Variants in KIF27 observed in about 807,000 individuals in gnomAD.
KIF27 encodes kinesin-like protein KIF27.
In KIF27, 84 loss-of-function variants were observed where a neutral mutation model predicts 141.8. The observed-to-expected ratio is 0.59, with a 90% CI of 0.50 to 0.71. KIF27 has a LOEUF of 0.71. Among genes scored for constraint, KIF27 ranks in the 30% least tolerant of loss-of-function variants. The probability of loss-of-function intolerance (pLI) is 0.00; values close to 1 mark genes in which losing one functional copy is unlikely to be tolerated. For missense variants in KIF27, 1,306 were observed against 1,628.4 expected (o/e 0.80, Z 3.41); for synonymous variants, 471 against 569.5 (o/e 0.83, Z 2.46).
At chr9:83,862,505 G>A (rs1263443881) in intron 13 of KIF27, among the ~76,000 whole-genome samples, 1 of 152,144 alleles carries the variant, frequency 6.6e-6, no homozygotes, top group East Asian at 1.9e-4. Context: ...TATTATTTCT[G>A]AGGGCTCTGT....
chr9:83,896,104 A>T lies in KIF27; in HGVS notation c.1602+3557T>A, dbSNP rs553855375. Among the ~76,000 whole-genome samples, 68 of 150,714 alleles carry T rather than the reference A, an allele frequency of 4.5e-4. 1 individual carries two copies. The highest frequency in any genetic ancestry group is 8.7e-4 in the Non-Finnish European group (59 of 67,744). ...AACACACACAAGTTTATAGCCAGGCATGGCAGCGGGTGCCTGTAATCCCAG... is the reference window on the plus strand; with the variant it reads ...AACACACACAAGTTTATAGCCAGGCTTGGCAGCGGGTGCCTGTAATCCCAG... On this transcript the variant is annotated intron_variant, in intron 5 of 17. Transcript: ENST00000297814.
At chr9:83,852,468 A>AG (rs1397051763) in intron 15 of KIF27, among the ~76,000 whole-genome samples, 1 of 151,438 alleles carries the variant, frequency 6.6e-6, no homozygotes, top group African/African-American at 2.4e-5. Context: ...AAAAAAAAAA[A>AG]GTTATCTATG....
At chr9:83,848,291 A>G (rs1392720241) in intron 16 of KIF27, among the ~76,000 whole-genome samples, 1 of 116,802 alleles carries the variant, frequency 8.6e-6, no homozygotes, top group Non-Finnish European at 1.7e-5. Flanking sequence ...TATATGATAT[A>G]TCAGATATGA....
intron 1 of KIF27, among the ~76,000 whole-genome samples, chr9:83,917,701 G>T (rs577221862): frequency 6.6e-6 from 1 of 152,272 alleles, no homozygotes; most frequent in African/African-American, 2.4e-5. Context: ...CAATTCAACT[G>T]AAGTATAAGA....
In KIF27 at chr9:83,908,571, A is replaced by G; in HGVS notation, c.380T>C (p.Ile127Thr). ...IFQSISEHPSIDFNVKVSYIE... is the reference protein window; with the variant it reads ...IFQSISEHPSTDFNVKVSYIE... ...ATAAGATACTTTTACATTAAAGTCAATGCTAGGATGTTCAGAGATGCTTTG... is the reference window on the plus strand; with the variant it reads ...ATAAGATACTTTTACATTAAAGTCAGTGCTAGGATGTTCAGAGATGCTTTG... The change falls in exon 3 of 18, where the codon ATT (isoleucine) becomes ACT (threonine). Residue 127 changes from isoleucine (I) to threonine (T), a missense_variant. This residue lies in a region of KIF27 where 533 missense variants were observed against 565.6 expected (regional missense o/e 0.94). Coordinates refer to ENST00000297814, the MANE Select transcript of KIF27 (RefSeq NM_017576.4). 6 of 1,611,530 alleles carry G rather than the reference A, an allele frequency of 3.7e-6. No homozygotes were observed. The highest frequency in any genetic ancestry group is 5.1e-6 in the Non-Finnish European group (6 of 1,177,982).
intron 13 of KIF27, 51 bp downstream of exon 13, chr9:83,867,633 G>T: frequency 6.6e-7 from 1 of 1,521,320 alleles, no homozygotes. Flanking sequence ...TCCTAGTGGG[G>T]AGTAGGGAGT....
chr9:83,920,255 A>ACC (rs1956122519), intron 1 of KIF27, among the ~76,000 whole-genome samples: 1 of 152,220 alleles, frequency 6.6e-6, no homozygotes, highest in African/African-American at 2.4e-5. Flanking sequence ...ATGGTCCACA[A>ACC]ACATAGGGCT....
intron 16 of KIF27, among the ~76,000 whole-genome samples, chr9:83,844,110 A>C (rs1946907523): frequency 6.6e-6 from 1 of 152,088 alleles, no homozygotes; most frequent in South Asian, 2.1e-4. Context: ...GCAGGCAGAA[A>C]AAGGCGAGAC....
chr9:83,841,745 T>G (rs1946593287), intron 17 of KIF27, among the ~76,000 whole-genome samples: 1 of 152,236 alleles, frequency 6.6e-6, no homozygotes, highest in African/African-American at 2.4e-5. Context: ...AGGAATGCAC[T>G]AAATCTACAT....
In KIF27 at chr9:83,887,077, T is replaced by C. The variant is rs139434047; in HGVS notation, c.2203A>G (p.Met735Val). 1,354 of 1,600,668 alleles carry C rather than the reference T, an allele frequency of 8.5e-4. 4 individuals carry two copies. Among genetic ancestry groups the C allele is most frequent in the Middle Eastern group, 2.3e-3 (14 of 5,984 alleles). ...KMRELTINIK[M>V]KEDLIKELIK... ...AATTCTTTAATCAGATCTTCCTTCA[T>C]CTTGATGTTAATTGTAAGTTCTCTC... Residue 735 changes from methionine to valine, a missense_variant, in exon 9 of 18, where the codon ATG becomes GTG. Transcript: ENST00000297814.
chr9:83,850,141 C>T lies in KIF27; in HGVS notation c.3514G>A (p.Glu1172Lys), dbSNP rs750542303. 6.2e-7 allele frequency: 1 copy of T among 1,613,908 alleles called. No homozygotes were observed. Among genetic ancestry groups the T allele is most frequent in the Non-Finnish European group, 8.5e-7 (1 of 1,179,850 alleles). ...AGCAACTGCATCTTTTGTTCGTGTT[C>T]CTTTTGCTGGAGGGTCAGTCTCCGG... ...CDRRLTLQQK[E>K]HEQKMQLLLH... The change falls in exon 16 of 18, where the codon GAA (glutamate) becomes AAA (lysine). Residue 1172 changes from glutamate (E) to lysine (K), a missense_variant. Physicochemically the swap from Glu to Lys is moderately conservative, Grantham distance 56. Around this residue, in one of 4 missense-constraint regions of KIF27, gnomAD observed 596 missense variants for 751.6 expected, o/e 0.79. Transcript: ENST00000297814.
chr9:83,859,443 A>C, intron 13 of KIF27, 72 bp from the exon 14 acceptor site: 2 of 1,001,732 alleles, frequency 2.0e-6, no homozygotes, highest in Non-Finnish European at 3.1e-6. Context: ...AATTAGGAAA[A>C]ACATAGAGAA....
Position 83,836,416 on chromosome 9 carries a change from T to C in KIF27, c.*585A>G, listed in dbSNP as rs961807783. 1.3e-5 allele frequency among the ~76,000 whole-genome samples: 2 copies of C among 151,994 alleles called. No homozygotes were observed. Among genetic ancestry groups the C allele is most frequent in the Non-Finnish European group, 1.5e-5 (1 of 67,998 alleles). ...AGATAGCATTATAAATTTTTAAAAA[T>C]CCAAAAAAATTCCAGAAACAGAACA... On this transcript the variant is annotated 3_prime_UTR_variant, in exon 18 of 18. Coordinates refer to ENST00000297814, the MANE Select transcript of KIF27 (RefSeq NM_017576.4).
At chr9:83,884,268 T>G (rs1951910465) in intron 9 of KIF27, among the ~76,000 whole-genome samples, 2 of 152,156 alleles carry the variant, frequency 1.3e-5, no homozygotes, top group African/African-American at 4.8e-5. Flanking sequence ...TTTGGCGTTT[T>G]AGAGTGACAT....
rs754664306 is a variant in KIF27, at chr9:83,889,261, G to A, written c.1810-8C>T. On this transcript the variant is annotated splice_polypyrimidine_tract_variant and splice_region_variant and intron_variant, in intron 6 of 17. Transcript: ENST00000297814. ...AGGCGGACTTGTGTGGACCTTGCAA[G>A]TGATTCCCCCACCCAACAACAAAAA... is the stretch of plus-strand genomic sequence containing the variant. 4 of 1,580,196 alleles carry A rather than the reference G, an allele frequency of 2.5e-6. No homozygotes were observed. The African/African-American group carries it at 4.0e-5, about 16-fold the overall frequency.
rs1480609960 is a variant in KIF27, at chr9:83,880,290, A to G, written c.2643+7T>C. 6.2e-7 allele frequency: 1 copy of G among 1,613,684 alleles called. No individual in the cohort carries two copies. The highest frequency in any genetic ancestry group is 8.5e-7 in the Non-Finnish European group (1 of 1,179,826). ...TTATACTTAGCAGGAATGTATGACAATATTACTTTGATTTTTTGCTGGTCC... is the reference window on the plus strand; with the variant it reads ...TTATACTTAGCAGGAATGTATGACAGTATTACTTTGATTTTTTGCTGGTCC... On this transcript the variant is annotated splice_region_variant and intron_variant, in intron 11 of 17. Coordinates refer to ENST00000297814, the MANE Select transcript of KIF27 (RefSeq NM_017576.4).
intron 17 of KIF27, among the ~76,000 whole-genome samples, chr9:83,839,627 A>C (rs1221788679): frequency 6.6e-6 from 1 of 152,256 alleles, no homozygotes; most frequent in African/African-American, 2.4e-5. Context: ...TATTCAAAGA[A>C]AATATAATTC....
intron 8 of KIF27, among the ~76,000 whole-genome samples, chr9:83,887,478 G>A (rs1952216379): frequency 6.6e-6 from 1 of 152,072 alleles, no homozygotes; most frequent in Non-Finnish European, 1.5e-5. Context: ...CCTTTAACAT[G>A]AGTTATTTGA....
chr9:83,872,686 A>G (rs534064688), intron 11 of KIF27, among the ~76,000 whole-genome samples: 17 of 152,318 alleles, frequency 1.1e-4, no homozygotes, highest in African/African-American at 3.8e-4. Context: ...AGAAGCACTG[A>G]TAGGAAGTAA....
Sources: allele counts gnomAD v4.1 joint callset (sites outside exome capture counted in the v4.1 genomes callset), GRCh38; gene constraint gnomAD v4.1.1; regional missense constraint gnomAD v4.1.1; transcripts MANE v1.5; gene names NCBI Gene and HGNC (gene_info 2026-07-23, HGNC 2026-07-21).